CNKSR2: variants seen among roughly 807,000 people sequenced by gnomAD.
CNKSR2 encodes connector enhancer of kinase suppressor of Ras 2, also known as CNK homolog protein 2.
In CNKSR2, 14 loss-of-function variants were observed where a neutral mutation model predicts 84.4. That is an observed-to-expected ratio of 0.17 (90% CI 0.11 to 0.26). The LOEUF (loss-of-function observed/expected upper bound fraction) is 0.26, where lower values mean the gene tolerates loss of function less well. CNKSR2 is among the 10% of genes least tolerant of loss of function. The pLI is 1.00. For synonymous variants in CNKSR2, 275 were observed against 277.9 expected (o/e 0.99, Z 0.10); for missense variants, 485 against 771.2 (o/e 0.63, Z 4.40).
Position 21,374,594 on chromosome X carries a change from GGCAGCA to G in CNKSR2, c.-271_-266del, listed in dbSNP as rs3217648. On this transcript the variant is annotated 5_prime_UTR_variant, in exon 1 of 22. Coordinates refer to ENST00000379510, the MANE Select transcript of CNKSR2 (RefSeq NM_014927.5). ...ACGGAGACCGGAGCGGAGCGGCGGA[GGCAGCA>G]GCAGCAGCAGCAGCAGCAGCAGCAG... 6.2e-4 allele frequency: 280 copies of G among 452,319 alleles called. No individual in the cohort carries two copies. The highest frequency in any genetic ancestry group is 1.2e-3 in the African/African-American group (44 of 38,153). 37.3% of individuals were successfully genotyped at this position (452,319 alleles called of 1,213,427 possible). A position where few individuals can be genotyped will look rare whatever the true frequency, so the allele number is the denominator to read the frequency against.
At chrX:21,411,637 T>C (rs957215530) in intron 1 of CNKSR2, among the ~76,000 whole-genome samples, 1 of 110,823 alleles carries the variant, frequency 9.0e-6, no homozygotes, top group African/African-American at 3.3e-5. Context: ...CTTTCCTCCC[T>C]CTTTGGCTAG....
chrX:21,406,853 A>G (rs2090270851), intron 1 of CNKSR2, among the ~76,000 whole-genome samples: 1 of 112,126 alleles, frequency 8.9e-6, no homozygotes. Flanking sequence ...ATCACAGATC[A>G]CTTTCCCTGT....
chrX:21,442,724 TA>T (rs1198217398), intron 4 of CNKSR2, among the ~76,000 whole-genome samples: 2 of 111,602 alleles, frequency 1.8e-5, no homozygotes, highest in Non-Finnish European at 3.8e-5. Context: ...GAGATTTATT[TA>T]AAAATAGTGA....
intron 8 of CNKSR2, among the ~76,000 whole-genome samples, chrX:21,513,406 A>G (rs774780137): frequency 4.7e-4 from 53 of 112,169 alleles, no homozygotes; most frequent in South Asian, 1.5e-3. Flanking sequence ...TACCCACTCT[A>G]TGTTTTAGAG....
intron 6 of CNKSR2, chrX:21,495,778 C>T (rs1472269874): frequency 1.3e-4 from 6 of 46,619 alleles, no homozygotes; most frequent in South Asian, 1.5e-3. Flanking sequence ...AGTGAAGCTC[C>T]GTCTCAAAAA....
At chrX:21,463,923 G>A (rs1030745426) in intron 4 of CNKSR2, among the ~76,000 whole-genome samples, 8 of 111,892 alleles carry the variant, frequency 7.1e-5, no homozygotes, top group African/African-American at 2.6e-4. Flanking sequence ...GGTTAGGGGA[G>A]GGTTGATGCC....
chrX:21,637,011 T>C (rs1031110804), intron 20 of CNKSR2, among the ~76,000 whole-genome samples: 4 of 111,864 alleles, frequency 3.6e-5, no homozygotes, highest in African/African-American at 1.3e-4. Context: ...AACAACATGT[T>C]AAGTACTTCT....
At chrX:21,549,718 T>C (rs962508087) in intron 11 of CNKSR2, among the ~76,000 whole-genome samples, 15 of 111,660 alleles carry the variant, frequency 1.3e-4, no homozygotes, top group African/African-American at 4.9e-4. Context: ...AAAACAGATA[T>C]ATAGACCAGT....
chrX:21,400,564 C>T (rs2090176904), intron 1 of CNKSR2, among the ~76,000 whole-genome samples: 1 of 111,388 alleles, frequency 9.0e-6, no homozygotes, highest in Admixed American at 9.6e-5. Flanking sequence ...TGATCTCAGG[C>T]AACTGCTACT....
chrX:21,544,905 A>G (rs760919719), intron 11 of CNKSR2, among the ~76,000 whole-genome samples: 38 of 111,481 alleles, frequency 3.4e-4, no homozygotes, highest in Admixed American at 1.0e-3. Flanking sequence ...AGACTATGAG[A>G]TTCCCTCAGG....
chrX:21,403,837 A>T (rs1214921736), intron 1 of CNKSR2, among the ~76,000 whole-genome samples: 2 of 111,772 alleles, frequency 1.8e-5, no homozygotes, highest in East Asian at 2.8e-4. Context: ...ATTGACTCCA[A>T]TGTGTAAGTT....
intron 13 of CNKSR2, among the ~76,000 whole-genome samples, chrX:21,568,250 T>G (rs2092256699): frequency 9.0e-6 from 1 of 111,707 alleles, no homozygotes; most frequent in Non-Finnish European, 1.9e-5. Context: ...TTTGCACCAC[T>G]GCACCCCAGC....
intron 1 of CNKSR2, among the ~76,000 whole-genome samples, chrX:21,394,335 C>T (rs768107415): frequency 9.0e-6 from 1 of 111,532 alleles, no homozygotes; most frequent in South Asian, 3.8e-4. Context: ...TAAGATTATA[C>T]TGATTTAAAA....
At position 21,591,082 on chromosome X, in the gene CNKSR2, G is replaced by A; in HGVS notation, c.1718G>A (p.Cys573Tyr). The change falls in exon 15 of 22, where the codon TGT becomes TAT. Residue 573 changes from cysteine to tyrosine, a missense_variant. By Grantham distance (194) the Cys-to-Tyr change is radical. Coordinates refer to ENST00000379510, the MANE Select transcript of CNKSR2 (RefSeq NM_014927.5). ...TGCAAAGATCTTGGCCGTGGTGACT[G>A]TGAGGGCTGGCTTTGGAAAAAGAAA... ...ISCKDLGRGD[C>Y]EGWLWKKKDA... 1 of 1,210,005 alleles carries A rather than the reference G, an allele frequency of 8.3e-7. No individual in the cohort carries two copies. The highest frequency in any genetic ancestry group is 1.1e-6 in the Non-Finnish European group (1 of 894,373).
intron 1 of CNKSR2, among the ~76,000 whole-genome samples, chrX:21,376,601 C>T (rs188983603): frequency 6.3e-5 from 7 of 111,855 alleles, no homozygotes; most frequent in African/African-American, 2.3e-4. Flanking sequence ...CAATTATCCT[C>T]ACTCTCCACC....
intron 4 of CNKSR2, among the ~76,000 whole-genome samples, chrX:21,448,318 C>T (rs2090881485): frequency 9.0e-6 from 1 of 111,224 alleles, no homozygotes; most frequent in Non-Finnish European, 1.9e-5. Flanking sequence ...AAGGATTAGG[C>T]GTGTTCTATG....
intron 1 of CNKSR2, 173 bp from the exon 2 acceptor site, chrX:21,426,324 T>A: frequency 2.4e-6 from 1 of 416,460 alleles, no homozygotes. Context: ...TGATTTTCTT[T>A]TTCACTGTAG....
chrX:21,422,914 C>G lies in CNKSR2; in HGVS notation c.65-3583C>G, dbSNP rs181136225. Among the ~76,000 whole-genome samples the G allele has an allele frequency of 5.4e-5, 6 of 110,160 alleles. No individual in the cohort carries two copies. The East Asian group carries it at 1.4e-3, about 26-fold the overall frequency. On this transcript the variant is annotated intron_variant, in intron 1 of 21. Transcript: ENST00000379510. ...CTCCGAGAAACTGGCTTGCTGTTAT[C>G]TAATGAATGTTTTAAACTATTAATG... is the stretch of plus-strand genomic sequence containing the variant.
At chrX:21,548,345 A>G (rs890122494) in intron 11 of CNKSR2, among the ~76,000 whole-genome samples, 3 of 111,743 alleles carry the variant, frequency 2.7e-5, no homozygotes, top group African/African-American at 9.8e-5. Flanking sequence ...TCCTGGAGAC[A>G]TGACACCCTC....
Sources: allele counts gnomAD v4.1 joint callset (sites outside exome capture counted in the v4.1 genomes callset), GRCh38; gene constraint gnomAD v4.1.1; transcripts MANE v1.5; gene names NCBI Gene and HGNC (gene_info 2026-07-23, HGNC 2026-07-21).